HMCES: variants seen among roughly 807,000 people sequenced by gnomAD.
The protein encoded by HMCES is 5-hydroxymethylcytosine binding, ES cell specific.
Under a neutral mutation model 35.1 loss-of-function variants are expected in HMCES, and 27 were observed. That is an observed-to-expected ratio of 0.77 (90% CI 0.57 to 1.06). The LOEUF (loss-of-function observed/expected upper bound fraction) is 1.06, where lower values mean the gene tolerates loss of function less well. HMCES is among the 50% of genes least tolerant of loss of function. The probability of loss-of-function intolerance (pLI) is 0.00; values close to 1 mark genes in which losing one functional copy is unlikely to be tolerated. For synonymous variants in HMCES, 130 were observed against 154.7 expected (o/e 0.84, Z 1.18); for missense variants, 391 against 430.4 (o/e 0.91, Z 0.81).
In HMCES at chr3:129,298,433, G is replaced by A. The variant is rs999663830; in HGVS notation, c.533G>A (p.Gly178Glu). 10 of 1,614,012 alleles carry A rather than the reference G, an allele frequency of 6.2e-6. No homozygotes were observed. In the African/African-American group the frequency reaches 1.3e-4, roughly 22 times the overall value. Residue 178 changes from glycine to glutamate, a missense_variant, in exon 5 of 7, where the codon GGG becomes GAG. Physicochemically the swap from Gly to Glu is moderately conservative, Grantham distance 98. Transcript: ENST00000383463. ...AACTGGAGGCTGCTGACAATGGCCG[G>A]GATCTTTGACTGCTGGGAGCCCCCA... ...WDNWRLLTMAGIFDCWEPPEG... is the reference protein window; with the variant it reads ...WDNWRLLTMAEIFDCWEPPEG...
chr3:129,298,308 G>A (rs1317223205), intron 4 of HMCES, 46 bp from the exon 5 acceptor site: 2 of 1,559,164 alleles, frequency 1.3e-6, no homozygotes, highest in African/African-American at 1.4e-5. Flanking sequence ...GCATGTAGAA[G>A]AAGTCTGCTG....
At position 129,302,127 on chromosome 3, in the gene HMCES, C is replaced by G; in HGVS notation, c.813C>G (p.Asp271Glu). ...CTCCTGAGTGTCTGGCTCCTGTCGA[C>G]TTGGTGGTCAAAAAGGTAGGGGCCT... The part of the protein sequence containing the change: ...NNTPECLAPV[D>E]LVVKKELRAS... Residue 271 changes from aspartate (D) to glutamate (E), a missense_variant, in exon 6 of 7, where the codon GAC becomes GAG. Physicochemically the swap from Asp to Glu is conservative, Grantham distance 45. Transcript: ENST00000383463. 6.2e-7 allele frequency: 1 copy of G among 1,611,382 alleles called. No individual in the cohort carries two copies. Among genetic ancestry groups the G allele is most frequent in the Non-Finnish European group, 8.5e-7 (1 of 1,179,178 alleles).
chr3:129,305,171 T>TAGTAAG lies in HMCES; in HGVS notation c.*346_*347insAGTAAG. On this transcript the variant is annotated 3_prime_UTR_variant, in exon 7 of 7. Transcript: ENST00000383463. ...TGGTACTCCTTGTAGTAAGCTGTTTTCTGCTCAGCCACTGGGCTCTTTCAC... is the reference window on the plus strand; with the variant it reads ...TGGTACTCCTTGTAGTAAGCTGTTTTAGTAAGCTGCTCAGCCACTGGGCTCTTTCAC... 4.1e-6 allele frequency: 1 copy of TAGTAAG among 244,562 alleles called. No homozygotes were observed. The highest frequency in any genetic ancestry group is 5.1e-5 in the Admixed American group (1 of 19,686). The allele number at this position is 244,562 out of a possible 1,614,324, so 15.1% of individuals were successfully genotyped here. A position where few individuals can be genotyped will look rare whatever the true frequency, so the allele number is the denominator to read the frequency against.
At chr3:129,295,323 G>A (rs1377830372) in intron 4 of HMCES, among the ~76,000 whole-genome samples, 7 of 151,760 alleles carry the variant, frequency 4.6e-5, no homozygotes, top group Admixed American at 1.3e-4. Flanking sequence ...TGTGGTCCCA[G>A]CTACTTGGGA....
intron 2 of HMCES, among the ~76,000 whole-genome samples, chr3:129,286,674 A>C (rs1386431627): frequency 6.6e-6 from 1 of 151,694 alleles, no homozygotes; most frequent in East Asian, 1.9e-4. Flanking sequence ...AAACTTAATC[A>C]TCCTTGCTTT....
intron 5 of HMCES, 148 bp downstream of exon 5, chr3:129,298,683 A>C (rs186949415): frequency 4.5e-5 from 31 of 691,918 alleles, no homozygotes; most frequent in Middle Eastern, 6.0e-4. Flanking sequence ...TACATTCCTA[A>C]AAATCACTGT....
At position 129,279,806 on chromosome 3, in the gene HMCES, GC is replaced by G; in HGVS notation, c.76del (p.Gln26SerfsTer77). The G allele has an allele frequency of 6.2e-7, 1 of 1,613,654 alleles. No homozygotes were observed. Among genetic ancestry groups the G allele is most frequent in the Non-Finnish European group, 8.5e-7 (1 of 1,179,860 alleles). On this transcript the variant is annotated frameshift_variant, in exon 2 of 7. Coordinates refer to ENST00000383463, the MANE Select transcript of HMCES (RefSeq NM_020187.3). LOFTEE classifies it high-confidence loss of function. This position sits in a 1 kb window ranked among gnomAD's most constrained non-coding sequence, Gnocchi z 4.2. ...TRACAYQDRR[G>X]QQRLPEWRDP... ...GCTTGCGCCTACCAGGATCGGCGGG[GC>G]CAGCAGCGGCTCCCGGAGTGGAGGG... is the stretch of plus-strand genomic sequence containing the variant.
rs2071231257 is a variant in HMCES at position 129,306,126 on chromosome 3, A to G, written c.*1301A>G. The G allele has an allele frequency of 6.6e-6, 1 of 152,140 alleles. No individual in the cohort carries two copies. The highest frequency in any genetic ancestry group is 2.1e-4 in the South Asian group (1 of 4,832). The allele number at this position is 152,140 out of a possible 1,614,324, so 9.4% of individuals were successfully genotyped here. A position where few individuals can be genotyped will look rare whatever the true frequency, so the allele number is the denominator to read the frequency against. On this transcript the variant is annotated 3_prime_UTR_variant, in exon 7 of 7. Coordinates refer to ENST00000383463, the MANE Select transcript of HMCES (RefSeq NM_020187.3). The stretch of plus-strand genomic sequence containing the variant: ...TTAAGAGATTTAAAAAATTCAGATG[A>G]CTTACTAGTATGACTGTTTTGTCAT...
chr3:129,279,640 C>A lies in HMCES; in HGVS notation c.-23-70C>A. Reference sequence around the variant, plus strand: ...GCCCTGTGGGAACGGAAAGAGAAGGCGGGGACTCAAGGAATAAGACCTAAT... The same window carrying A: ...GCCCTGTGGGAACGGAAAGAGAAGGAGGGGACTCAAGGAATAAGACCTAAT... On this transcript the variant is annotated intron_variant, in intron 1 of 6. Transcript: ENST00000383463. The surrounding 1 kb of genome is among the most constrained non-coding windows in gnomAD (Gnocchi z 4.2). 1.4e-6 allele frequency: 2 copies of A among 1,437,962 alleles called. No homozygotes were observed. Among genetic ancestry groups the A allele is most frequent in the Non-Finnish European group, 9.5e-7 (1 of 1,052,000 alleles). 89.1% of individuals were successfully genotyped at this position (1,437,962 alleles called of 1,614,324 possible).
chr3:129,302,733 G>A (rs2071184810), intron 6 of HMCES, among the ~76,000 whole-genome samples: 1 of 151,914 alleles, frequency 6.6e-6, no homozygotes, highest in African/African-American at 2.4e-5. Flanking sequence ...AGAAGCTTCA[G>A]CTGGGTGCAG....
At chr3:129,302,627 G>A (rs1262754231) in intron 6 of HMCES, among the ~76,000 whole-genome samples, 1 of 152,168 alleles carries the variant, frequency 6.6e-6, no homozygotes, top group Non-Finnish European at 1.5e-5. Flanking sequence ...TGAGGCAGGA[G>A]AATCACTTGA....
rs368937691 is a variant in HMCES, at chr3:129,285,600, C to T, written c.184-3254C>T. 2.1e-4 allele frequency among the ~76,000 whole-genome samples: 32 copies of T among 152,162 alleles called. 5 individuals are homozygous for T. Among genetic ancestry groups the T allele is most frequent in the Admixed American group, 9.8e-4 (15 of 15,270 alleles). On this transcript the variant is annotated intron_variant, in intron 2 of 6. Transcript: ENST00000383463. ...CTGAGTAGCTGGGACTACAGGCACTCGCCACCACGCCCGGCTAATTTTTTT... is the reference window on the plus strand; with the variant it reads ...CTGAGTAGCTGGGACTACAGGCACTTGCCACCACGCCCGGCTAATTTTTTT...
intron 5 of HMCES, among the ~76,000 whole-genome samples, chr3:129,300,344 G>A (rs1052889742): frequency 2.6e-5 from 4 of 152,164 alleles, no homozygotes; most frequent in Non-Finnish European, 5.9e-5. Flanking sequence ...GTTTCTCACA[G>A]ATGAAACTGT....
chr3:129,280,747 T>G (rs1227728072), intron 2 of HMCES, among the ~76,000 whole-genome samples: 1 of 152,242 alleles, frequency 6.6e-6, no homozygotes, highest in Non-Finnish European at 1.5e-5. Context: ...TCATTGTGTT[T>G]ATAGTATTTA....
chr3:129,280,027 T>C, intron 2 of HMCES, 112 bp downstream of exon 2: 1 of 871,844 alleles, frequency 1.1e-6, no homozygotes, highest in Non-Finnish European at 1.7e-6. Context: ...CAGCCTTTAC[T>C]GATATATTCT....
At chr3:129,299,383 G>A (rs2071132539) in intron 5 of HMCES, among the ~76,000 whole-genome samples, 1 of 152,098 alleles carries the variant, frequency 6.6e-6, no homozygotes, top group South Asian at 2.1e-4. Flanking sequence ...TGTAATAGAT[G>A]CTATTTAATT....
In HMCES at chr3:129,281,860, G is replaced by C. The variant is rs543030323; in HGVS notation, c.183+1945G>C. Among the ~76,000 whole-genome samples the C allele has an allele frequency of 4.9e-4, 73 of 149,636 alleles. 1 individual carries two copies. The South Asian group carries it at 0.014, about 29-fold the overall frequency. On this transcript the variant is annotated intron_variant, in intron 2 of 6. Transcript: ENST00000383463. Reference sequence around the variant, plus strand: ...CTGTACTATAAAAAAAAAAAATGTGGAGGTTGCAGTGAGTCGAGAATGTGC... The same window carrying C: ...CTGTACTATAAAAAAAAAAAATGTGCAGGTTGCAGTGAGTCGAGAATGTGC...
intron 3 of HMCES, among the ~76,000 whole-genome samples, chr3:129,289,676 A>G (rs1399555419): frequency 4.6e-5 from 7 of 151,974 alleles, no homozygotes; most frequent in Admixed American, 4.6e-4. Context: ...CGCCCGGCCT[A>G]CTTCTGTTGC....
chr3:129,293,799 C>G (rs2071054473), intron 4 of HMCES, among the ~76,000 whole-genome samples: 1 of 151,882 alleles, frequency 6.6e-6, no homozygotes, highest in Non-Finnish European at 1.5e-5. Context: ...AACTCCTGAC[C>G]TCAGGTGATC....
Sources: gnomAD v4.1 joint callset for allele counts (sites outside exome capture counted in the v4.1 genomes callset) on GRCh38, gnomAD v4.1.1 for gene constraint, Gnocchi (gnomAD v3.1) non-coding constraint, MANE v1.5 for transcripts, NCBI Gene and HGNC (gene_info 2026-07-23, HGNC 2026-07-21) for gene names.